MYO1E: variants seen among roughly 807,000 people sequenced by gnomAD.
The protein encoded by MYO1E is myosin IE.
Under a neutral mutation model 151.1 loss-of-function variants are expected in MYO1E, and 68 were observed. The ratio of observed to expected loss-of-function variants is 0.45; its 90% CI spans 0.37 to 0.55. The LOEUF (loss-of-function observed/expected upper bound fraction) is 0.55, where lower values mean the gene tolerates loss of function less well. Among genes scored for constraint, MYO1E ranks in the 20% least tolerant of loss-of-function variants. The pLI, the probability that MYO1E is intolerant of heterozygous loss-of-function variation, is 0.00. For synonymous variants in MYO1E, 601 were observed against 501.7 expected, an observed-to-expected ratio of 1.20 and a Z score of -2.64; for missense variants, 1,363 against 1,389.3, an observed-to-expected ratio of 0.98 and a Z score of 0.30.
chr15:59,291,473 C>G (rs1274127263), intron 1 of MYO1E, among the ~76,000 whole-genome samples: 1 of 150,608 alleles, frequency 6.6e-6, no homozygotes, highest in Non-Finnish European at 1.5e-5. Context: ...TAGCTTTGCA[C>G]TAAAACAAAC....
chr15:59,178,588 G>GT, intron 18 of MYO1E, 51 bp from the exon 19 acceptor site: 1 of 1,600,020 alleles, frequency 6.2e-7, no homozygotes, highest in Non-Finnish European at 8.5e-7. Context: ...GACCGCACTG[G>GT]TTTTCTACCC....
At position 59,159,709 on chromosome 15, in the gene MYO1E, G is replaced by C. The variant is rs2079527284; in HGVS notation, c.2786-1330C>G. Among the ~76,000 whole-genome samples the C allele has an allele frequency of 6.6e-6, 1 of 152,150 alleles. No individual in the cohort carries two copies. Among genetic ancestry groups the C allele is most frequent in the Non-Finnish European group, 1.5e-5 (1 of 68,028 alleles). On this transcript the variant is annotated intron_variant, in intron 24 of 27. Transcript: ENST00000288235. The surrounding 1 kb of genome is among the most constrained non-coding windows in gnomAD (Gnocchi z 4.4). Reference sequence around the variant, plus strand: ...TGTCTGTTTTCTGCAAGTACTAACGGATACACAGACATACATCAACATTTT... The same window carrying C: ...TGTCTGTTTTCTGCAAGTACTAACGCATACACAGACATACATCAACATTTT...
At chr15:59,248,031 G>T (rs1228721290) in intron 4 of MYO1E, among the ~76,000 whole-genome samples, 1 of 147,528 alleles carries the variant, frequency 6.8e-6, no homozygotes, top group Admixed American at 6.9e-5. Flanking sequence ...AGAAGGCTGA[G>T]GCAAGAGAAT....
chr15:59,144,382 GTGT>G (rs1321395600), intron 26 of MYO1E, among the ~76,000 whole-genome samples: 10 of 152,006 alleles, frequency 6.6e-5, no homozygotes, highest in Non-Finnish European at 1.3e-4. Context: ...GGCTAGGCTG[GTGT>G]TGAACTCCTG....
intron 1 of MYO1E, among the ~76,000 whole-genome samples, chr15:59,297,074 G>A (rs4558360): frequency 0.7 from 58,651 of 84,386 alleles, 24,034 homozygotes; most frequent in South Asian, 0.9. Flanking sequence ...GGATGGTCTC[G>A]ATCTCCTGAC....
chr15:59,348,047 G>A (rs1490888249), intron 1 of MYO1E, among the ~76,000 whole-genome samples: 1 of 152,100 alleles, frequency 6.6e-6, no homozygotes, highest in East Asian at 1.9e-4. Context: ...AACAGATTTT[G>A]AAGCCTCATC....
At chr15:59,180,542 CTCT>C (rs750574113) in intron 18 of MYO1E, among the ~76,000 whole-genome samples, 2 of 151,112 alleles carry the variant, frequency 1.3e-5, no homozygotes, top group Non-Finnish European at 2.9e-5. Flanking sequence ...TGCTGCGTTT[CTCT>C]TTTTTTTTTT....
At position 59,209,439 on chromosome 15, in the gene MYO1E, A is replaced by C. The variant is rs566688200; in HGVS notation, c.1363-591T>G. On this transcript the variant is annotated intron_variant, in intron 13 of 27. Coordinates refer to ENST00000288235, the MANE Select transcript of MYO1E (RefSeq NM_004998.4). ...ATGCCTGTAATCCCAGCAATTTAGG[A>C]GGCCGAGGGGGGTGGATCACGAGGT... 5.2e-5 allele frequency among the ~76,000 whole-genome samples: 7 copies of C among 134,146 alleles called. No homozygotes were observed. The East Asian group carries it at 1.2e-3, about 22-fold the overall frequency. 88.0% of individuals were successfully genotyped at this position (134,146 alleles called of 152,430 possible).
At chr15:59,362,801 G>T (rs1357473165) in intron 1 of MYO1E, among the ~76,000 whole-genome samples, 1 of 152,084 alleles carries the variant, frequency 6.6e-6, no homozygotes, top group Admixed American at 6.5e-5. Context: ...AACATCAAAT[G>T]GTGGTCACAC....
chr15:59,207,940 G>C (rs762538697), intron 14 of MYO1E: 10 of 1,613,886 alleles, frequency 6.2e-6, no homozygotes, highest in Middle Eastern at 1.6e-4. Context: ...TGGAATAGAT[G>C]AAGAAGTATT....
At chr15:59,317,919 G>T (rs1207254962) in intron 1 of MYO1E, among the ~76,000 whole-genome samples, 1 of 152,212 alleles carries the variant, frequency 6.6e-6, no homozygotes, top group African/African-American at 2.4e-5. Flanking sequence ...CCATTCTACA[G>T]ATGTGGAAAC....
Position 59,347,273 on chromosome 15 carries a change from G to A in MYO1E, c.3+25225C>T, listed in dbSNP as rs937729748. On this transcript the variant is annotated intron_variant, in intron 1 of 27. Coordinates refer to ENST00000288235, the MANE Select transcript of MYO1E (RefSeq NM_004998.4). ...AATATACGCAGGATCCAGGCTGCGC[G>A]CTTCTAATGAGAATCTAATACCGAT... Among the ~76,000 whole-genome samples, 10 of 152,126 alleles carry A rather than the reference G, an allele frequency of 6.6e-5. 1 individual carries two copies. Among genetic ancestry groups the A allele is most frequent in the South Asian group, 2.1e-4 (1 of 4,816 alleles).
At chr15:59,306,568 G>A (rs1344609553) in intron 1 of MYO1E, among the ~76,000 whole-genome samples, 1 of 152,192 alleles carries the variant, frequency 6.6e-6, no homozygotes, top group Non-Finnish European at 1.5e-5. Context: ...ATTGCCATGG[G>A]GTTGCTCCAC....
At chr15:59,152,017 G>A (rs1166364609) in intron 26 of MYO1E, among the ~76,000 whole-genome samples, 1 of 151,654 alleles carries the variant, frequency 6.6e-6, no homozygotes, top group Admixed American at 6.6e-5. Flanking sequence ...GCAGTGAGCC[G>A]AGATTGTGGC....
intron 1 of MYO1E, among the ~76,000 whole-genome samples, chr15:59,366,334 C>T (rs948723515): frequency 3.3e-5 from 5 of 151,386 alleles, no homozygotes; most frequent in African/African-American, 1.2e-4. Flanking sequence ...CTCACTCTCA[C>T]CCAGGCTGCA....
At chr15:59,360,660 A>G (rs1361557394) in intron 1 of MYO1E, among the ~76,000 whole-genome samples, 2 of 152,182 alleles carry the variant, frequency 1.3e-5, no homozygotes, top group Non-Finnish European at 2.9e-5. Context: ...CCAACAAAAG[A>G]CAGCAGTTTT....
At chr15:59,283,877 T>C (rs564255584) in intron 1 of MYO1E, among the ~76,000 whole-genome samples, 3 of 152,362 alleles carry the variant, frequency 2.0e-5, no homozygotes, top group East Asian at 1.9e-4. Flanking sequence ...AACTGCTTTA[T>C]TGCATGTTTA....
chr15:59,344,672 G>A (rs2080784099), intron 1 of MYO1E, among the ~76,000 whole-genome samples: 1 of 152,178 alleles, frequency 6.6e-6, no homozygotes. Context: ...AATCTACTGA[G>A]TACTTTATTC....
At chr15:59,238,551 C>A (rs1280451689) in intron 4 of MYO1E, among the ~76,000 whole-genome samples, 3 of 152,134 alleles carry the variant, frequency 2.0e-5, no homozygotes, top group Admixed American at 1.3e-4. Context: ...AAGAAATATT[C>A]CTTACTTGTT....
Sources: allele counts gnomAD v4.1 joint callset (sites outside exome capture counted in the v4.1 genomes callset), GRCh38; gene constraint gnomAD v4.1.1; non-coding constraint Gnocchi (gnomAD v3.1); transcripts MANE v1.5; gene names NCBI Gene and HGNC (gene_info 2026-07-23, HGNC 2026-07-21).